SPTBN1: variants seen among roughly 807,000 people sequenced by gnomAD.
SPTBN1 encodes the protein spectrin beta, non-erythrocytic 1.
A neutral mutation model predicts 266.4 loss-of-function variants in SPTBN1; 32 were observed. The ratio of observed to expected loss-of-function variants is 0.12; its 90% CI spans 0.09 to 0.16. The LOEUF is 0.16. Among genes scored for constraint, SPTBN1 ranks in the 10% least tolerant of loss-of-function variants. The pLI, the probability that SPTBN1 is intolerant of heterozygous loss-of-function variation, is 1.00. For missense variants in SPTBN1, 2,296 were observed against 3,067.1 expected (o/e 0.75, Z 5.94); for synonymous variants, 1,336 against 1,162.2 (o/e 1.15, Z -3.04).
rs754451083 is a variant in SPTBN1, at chr2:54,629,681, G to A, written c.2547G>A (p.Leu849=). Residue 849 remains leucine, a synonymous_variant, in exon 14 of 36, where the codon CTG becomes CTA. Coordinates refer to ENST00000356805, the MANE Select transcript of SPTBN1 (RefSeq NM_003128.3). ...GGAAGCAGGCACTCCAGGACACTCT[G>A]GCCCTGTACAAGATGTTCAGCGAGG... ...RLRKQALQDT[L]ALYKMFSEAD... 6 of 1,613,728 alleles carry A rather than the reference G, an allele frequency of 3.7e-6. No individual in the cohort carries two copies. Among genetic ancestry groups the A allele is most frequent in the Non-Finnish European group, 5.1e-6 (6 of 1,180,006 alleles).
At chr2:54,605,722 C>T (rs1366346186) in intron 3 of SPTBN1, among the ~76,000 whole-genome samples, 2 of 152,210 alleles carry the variant, frequency 1.3e-5, no homozygotes, top group Non-Finnish European at 2.9e-5. Context: ...ATAGAACACA[C>T]GTTGTGGGAG....
rs375320208 is a variant in SPTBN1, at chr2:54,479,276, TC to T, written c.-48+22765del. Among the ~76,000 whole-genome samples the T allele has an allele frequency of 9.9e-5, 15 of 152,090 alleles. No homozygotes were observed. In the East Asian group the frequency reaches 1.9e-3, roughly 20 times the overall value. On this transcript the variant is annotated intron_variant, in intron 1 of 35. Transcript: ENST00000356805. ...GAAAACATGACCCTTACCAACCGCC[TC>T]CCCCCCAAGTTGGTTTGTAACCATG...
chr2:54,591,863 C>A (rs1264126560), intron 2 of SPTBN1, among the ~76,000 whole-genome samples: 1 of 152,180 alleles, frequency 6.6e-6, no homozygotes, highest in African/African-American at 2.4e-5. Context: ...TCAGTTATAG[C>A]AAATTCTCTA....
intron 1 of SPTBN1, among the ~76,000 whole-genome samples, chr2:54,482,939 A>C (rs1466747961): frequency 6.6e-6 from 1 of 152,170 alleles, no homozygotes. Flanking sequence ...CAGTTGGTGC[A>C]ATGGATTATG....
chr2:54,609,031 G>A (rs963982981), intron 3 of SPTBN1, among the ~76,000 whole-genome samples: 16 of 152,120 alleles, frequency 1.1e-4, no homozygotes, highest in Admixed American at 5.9e-4. Context: ...GGAAGGTGGG[G>A]GGATTGGTCT....
In SPTBN1 at chr2:54,591,005, C is replaced by T. The variant is rs74684575; in HGVS notation, c.149-8087C>T. Among the ~76,000 whole-genome samples the T allele has an allele frequency of 3.5e-3, 536 of 152,264 alleles. 2 individuals are homozygous for T. Among genetic ancestry groups the T allele is most frequent in the Non-Finnish European group, 4.5e-3 (303 of 68,012 alleles). On this transcript the variant is annotated intron_variant, in intron 2 of 35. Coordinates refer to ENST00000356805, the MANE Select transcript of SPTBN1 (RefSeq NM_003128.3). Reference sequence around the variant, plus strand: ...GGAGTTCAGTTGGGGTCTGAAACCACCCAAATTGTGGTGAGCTTTGTTCAA... The same window carrying T: ...GGAGTTCAGTTGGGGTCTGAAACCATCCAAATTGTGGTGAGCTTTGTTCAA...
At chr2:54,547,652 G>GA in intron 2 of SPTBN1, among the ~76,000 whole-genome samples, 1 of 152,236 alleles carries the variant, frequency 6.6e-6, no homozygotes. Flanking sequence ...CGATATAATG[G>GA]AAAAAAGGCA....
At chr2:54,545,911 G>C (rs1035619206) in intron 2 of SPTBN1, among the ~76,000 whole-genome samples, 1 of 152,164 alleles carries the variant, frequency 6.6e-6, no homozygotes, top group Non-Finnish European at 1.5e-5. Context: ...TACACAGTGA[G>C]ACACAGAGTG....
At chr2:54,560,257 GCTC>G (rs1432816680) in intron 2 of SPTBN1, among the ~76,000 whole-genome samples, 4 of 151,974 alleles carry the variant, frequency 2.6e-5, no homozygotes, top group Non-Finnish European at 4.4e-5. Flanking sequence ...TCCACTGCGT[GCTC>G]CTCCTCTTCC....
rs148931396 is a variant in SPTBN1, at chr2:54,510,354, C to T, written c.-47-16018C>T. The stretch of plus-strand genomic sequence containing the variant: ...TCCCTACAGGCTCTGTCTCCGAATA[C>T]AATCACATTAGGGGTTACTCCTACA... On this transcript the variant is annotated intron_variant, in intron 1 of 35. Transcript: ENST00000356805. 1.9e-4 allele frequency among the ~76,000 whole-genome samples: 29 copies of T among 152,320 alleles called. No homozygotes were observed. In the East Asian group the frequency reaches 5.4e-3, roughly 28 times the overall value.
intron 1 of SPTBN1, among the ~76,000 whole-genome samples, chr2:54,503,487 C>T (rs1669385982): frequency 6.6e-6 from 1 of 152,190 alleles, no homozygotes; most frequent in Non-Finnish European, 1.5e-5. Context: ...CACCCAGCAC[C>T]TACACTCTTG....
At chr2:54,584,702 C>T (rs746350121) in intron 2 of SPTBN1, among the ~76,000 whole-genome samples, 1 of 152,100 alleles carries the variant, frequency 6.6e-6, no homozygotes, top group Non-Finnish European at 1.5e-5. Flanking sequence ...TGAGAAGCAG[C>T]CAAGGTCATT....
intron 11 of SPTBN1, 64 bp downstream of exon 11, chr2:54,625,026 C>T: frequency 1.3e-6 from 2 of 1,511,264 alleles, no homozygotes; most frequent in Non-Finnish European, 1.8e-6. Context: ...AGACCATCCC[C>T]AGGGGCATAG....
chr2:54,640,821 G>C (rs1445770381), intron 18 of SPTBN1, among the ~76,000 whole-genome samples: 1 of 152,212 alleles, frequency 6.6e-6, no homozygotes, highest in Non-Finnish European at 1.5e-5. Flanking sequence ...CAAAGTGCTG[G>C]GATTACAGGT....
chr2:54,523,565 A>C (rs1305636846), intron 1 of SPTBN1, among the ~76,000 whole-genome samples: 2 of 152,196 alleles, frequency 1.3e-5, no homozygotes, highest in East Asian at 3.8e-4. Flanking sequence ...GGTGCAGTTA[A>C]TTTGTTTCAG....
chr2:54,508,768 T>A (rs944291156), intron 1 of SPTBN1, among the ~76,000 whole-genome samples: 6 of 152,200 alleles, frequency 3.9e-5, no homozygotes, highest in African/African-American at 1.4e-4. Flanking sequence ...AGCTATCTTA[T>A]CAGCATAGGC....
At chr2:54,595,117 C>T (rs1425602658) in intron 2 of SPTBN1, among the ~76,000 whole-genome samples, 1 of 152,176 alleles carries the variant, frequency 6.6e-6, no homozygotes, top group Non-Finnish European at 1.5e-5. Flanking sequence ...CAGGCATGAG[C>T]CACTGCACCT....
intron 3 of SPTBN1, among the ~76,000 whole-genome samples, chr2:54,608,645 G>A (rs1677008948): frequency 6.6e-6 from 1 of 152,026 alleles, no homozygotes; most frequent in African/African-American, 2.4e-5. Context: ...TGAGCTTGGT[G>A]TTGGTACAAC....
intron 2 of SPTBN1, among the ~76,000 whole-genome samples, chr2:54,556,389 ATAT>A (rs1281809437): frequency 1.3e-5 from 2 of 152,192 alleles, no homozygotes; most frequent in Admixed American, 1.3e-4. Context: ...TACTGCCATC[ATAT>A]TATGTGCAAC....
Sources: allele counts gnomAD v4.1 joint callset (sites outside exome capture counted in the v4.1 genomes callset), GRCh38; gene constraint gnomAD v4.1.1; transcripts MANE v1.5; gene names NCBI Gene and HGNC (gene_info 2026-07-23, HGNC 2026-07-21).